Variants in CYP3A5 observed in about 807,000 individuals in gnomAD.
The protein encoded by CYP3A5 is cytochrome P450 3A5.
In CYP3A5, 51 loss-of-function variants were observed where a neutral mutation model predicts 55.9. The ratio of observed to expected loss-of-function variants is 0.91; its 90% CI spans 0.73 to 1.15. The LOEUF (loss-of-function observed/expected upper bound fraction) is 1.15. Ranked by LOEUF, CYP3A5 falls within the 50% of genes most tolerant of loss-of-function variation. CYP3A5 has a pLI of 0.00. For missense variants in CYP3A5, 533 were observed against 596.6 expected (o/e 0.89, Z 1.11); for synonymous variants, 196 against 213.9 (o/e 0.92, Z 0.73).
Position 99,679,806 on chromosome 7 carries a change from G to A in CYP3A5, c.71+20C>T, listed in dbSNP as rs1162867842. On this transcript the variant is annotated intron_variant, in intron 1 of 12. Coordinates refer to ENST00000222982, the MANE Select transcript of CYP3A5 (RefSeq NM_000777.5). ...CCCAAGTCCAAGGAAACAAAGAGAG[G>A]AGTTTGGACAGTTACTCACAGATAG... is the stretch of plus-strand genomic sequence containing the variant. 1.2e-6 allele frequency: 2 copies of A among 1,613,348 alleles called. No homozygotes were observed. The highest frequency in any genetic ancestry group is 2.2e-5 in the East Asian group (1 of 44,872).
intron 4 of CYP3A5, among the ~76,000 whole-genome samples, chr7:99,668,525 A>G (rs1197640439): frequency 6.6e-6 from 1 of 152,192 alleles, no homozygotes; most frequent in African/African-American, 2.4e-5. Context: ...GTGATTCTCA[A>G]GTGTGAACTT....
Position 99,660,643 on chromosome 7 carries a change from C to T in CYP3A5, c.882G>A (p.Glu294=), listed in dbSNP as rs774266940. The change falls in exon 10 of 13, where the codon GAG becomes GAA. Residue 294 remains glutamate, a synonymous_variant. Transcript: ENST00000222982. ...TGAAGATTATTGACTGGGCTGCGAG[C>T]TCCAGATCAGACAGAGCTGAAAGGA... The part of the protein sequence containing the change: ...TESHKALSDL[E]LAAQSIIFIF... 1.2e-6 allele frequency: 2 copies of T among 1,613,828 alleles called. No homozygotes were observed. The highest frequency in any genetic ancestry group is 1.7e-6 in the Non-Finnish European group (2 of 1,179,854).
chr7:99,669,644 T>C (rs1811382734), intron 4 of CYP3A5, among the ~76,000 whole-genome samples: 2 of 152,206 alleles, frequency 1.3e-5, no homozygotes, highest in African/African-American at 2.4e-5. Context: ...GCTTTGGTGA[T>C]GGATGAAGGC....
intron 8 of CYP3A5, chr7:99,663,552 C>G: frequency 2.0e-6 from 2 of 993,984 alleles, no homozygotes. Context: ...CAGGTAGCCT[C>G]ATAGGACCTT....
In CYP3A5 at chr7:99,652,666, AT is replaced by A. The variant is rs1387559334; in HGVS notation, c.1139del (p.Asp380ValfsTer16). On this transcript the variant is annotated frameshift_variant, in exon 11 of 13. Coordinates refer to ENST00000222982, the MANE Select transcript of CYP3A5 (RefSeq NM_000777.5). LOFTEE classifies it high-confidence loss of function. ...AIRLERTCKK[D>X]VEINGVFIPK... ...GAATGAATACCCCATTGATTTCAAC[AT>A]CTTTCTTGCAAGTCCTCTCAAGTCT... 3 of 1,614,012 alleles carry A rather than the reference AT, an allele frequency of 1.9e-6. 1 individual carries two copies. In the African/African-American group the frequency reaches 4.0e-5, roughly 22 times the overall value.
In CYP3A5 at chr7:99,666,802, A is replaced by T. The variant is rs1811068666; in HGVS notation, c.433-113T>A. On this transcript the variant is annotated intron_variant, in intron 5 of 12. Transcript: ENST00000222982. ...GTGACATTTTGTAATGAATTTTGTG[A>T]TGTCTTTTCTGTACATAAAGATAAA... The T allele has an allele frequency of 2.5e-6, 4 of 1,591,656 alleles. No individual in the cohort carries two copies. In the Admixed American group the frequency reaches 5.2e-5, roughly 21 times the overall value.
chr7:99,676,695 T>C (rs763639513), intron 1 of CYP3A5: 13 of 563,926 alleles, frequency 2.3e-5, no homozygotes, highest in African/African-American at 5.8e-5. Flanking sequence ...CCCTTACAAT[T>C]TGCTCAGAAA....
At chr7:99,679,591 C>G (rs1352436575) in intron 1 of CYP3A5, among the ~76,000 whole-genome samples, 1 of 152,150 alleles carries the variant, frequency 6.6e-6, no homozygotes, top group Non-Finnish European at 1.5e-5. Flanking sequence ...CTACCAAATG[C>G]TGTCCCTAAA....
Position 99,667,015 on chromosome 7 carries a change from A to G in CYP3A5, c.369T>C (p.Asp123=). Residue 123 remains aspartate (D), a synonymous_variant, in exon 5 of 13, where the codon GAT becomes GAC. Transcript: ENST00000222982. ...ATGACCGTATTCTCTTCCATTCTTCATCCTCAGCTAAAGAGATGGCACTTT... is the reference window on the plus strand; with the variant it reads ...ATGACCGTATTCTCTTCCATTCTTCGTCCTCAGCTAAAGAGATGGCACTTT... The part of the protein sequence containing the change: ...FMKSAISLAE[D]EEWKRIRSLL... 1 of 1,614,088 alleles carries G rather than the reference A, an allele frequency of 6.2e-7. No individual in the cohort carries two copies. Among genetic ancestry groups the G allele is most frequent in the Non-Finnish European group, 8.5e-7 (1 of 1,179,980 alleles).
In CYP3A5 at chr7:99,648,415, C is replaced by G; in HGVS notation, c.1414-15G>C. 1 of 1,529,716 alleles carries G rather than the reference C, an allele frequency of 6.5e-7. No individual in the cohort carries two copies. The highest frequency in any genetic ancestry group is 1.1e-5 in the South Asian group (1 of 87,954). 94.8% of individuals were successfully genotyped at this position (1,529,716 alleles called of 1,614,324 possible). A position where few individuals can be genotyped will look rare whatever the true frequency, so the allele number is the denominator to read the frequency against. On this transcript the variant is annotated splice_polypyrimidine_tract_variant and intron_variant, in intron 12 of 12. Transcript: ENST00000222982. ...TTCAAGGGGATCTACAATAGTTAAA[C>G]AAGCATATGGAGAATTAATAAATGA...
intron 4 of CYP3A5, among the ~76,000 whole-genome samples, chr7:99,670,645 C>CT (rs1253644305): frequency 1.3e-5 from 2 of 152,198 alleles, no homozygotes; most frequent in Non-Finnish European, 2.9e-5. Flanking sequence ...CTTTACTGGA[C>CT]TTTTGTAAGA....
chr7:99,656,045 T>C (rs1809692469), intron 10 of CYP3A5, among the ~76,000 whole-genome samples: 1 of 152,246 alleles, frequency 6.6e-6, no homozygotes, highest in South Asian at 2.1e-4. Context: ...TTTGACTTCC[T>C]CTTTTCCTAA....
At position 99,676,187 on chromosome 7, in the gene CYP3A5, T is replaced by C; in HGVS notation, c.93A>G (p.Gly31=). 1 of 1,613,720 alleles carries C rather than the reference T, an allele frequency of 6.2e-7. No homozygotes were observed. Among genetic ancestry groups the C allele is most frequent in the Non-Finnish European group, 8.5e-7 (1 of 1,179,866 alleles). ...LLYLYGTRTH[G]LFKRLGIPGP... ...CTGGAATTCCCAGTCTCTTAAAAAG[T>C]CCATGTGTACGGGTCCCATATCTAC... Residue 31 remains glycine (G), a synonymous_variant, in exon 2 of 13, where the codon GGA becomes GGG. Coordinates refer to ENST00000222982, the MANE Select transcript of CYP3A5 (RefSeq NM_000777.5).
Position 99,652,750 on chromosome 7 carries a change from CT to C in CYP3A5, c.1055del (p.Gln352ArgfsTer9). The C allele has an allele frequency of 6.2e-7, 1 of 1,613,842 alleles. No homozygotes were observed. Among genetic ancestry groups the C allele is most frequent in the South Asian group, 1.1e-5 (1 of 91,068 alleles). On this transcript the variant is annotated frameshift_variant, in exon 11 of 13. Coordinates refer to ENST00000222982, the MANE Select transcript of CYP3A5 (RefSeq NM_000777.5). LOFTEE classifies it high-confidence loss of function. Reference protein sequence around the residue: ...KAPPTYDAVVQMEYLDMVVNE... With the variant: ...KAPPTYDAVVXMEYLDMVVNE... Reference sequence around the variant, plus strand: ...TCACCACCATGTCAAGGTACTCCATCTGTACCACGGCATCATAGGTAGGTGG... The same window carrying C: ...TCACCACCATGTCAAGGTACTCCATCGTACCACGGCATCATAGGTAGGTGG...
chr7:99,659,204 G>A (rs1810115614), intron 10 of CYP3A5: 1 of 152,146 alleles, frequency 6.6e-6, no homozygotes, highest in Non-Finnish European at 1.5e-5. Flanking sequence ...CCATCTTTGT[G>A]TTTTTATCTA....
chr7:99,660,513 C>G lies in CYP3A5; in HGVS notation c.1012G>C (p.Val338Leu). 6.2e-7 allele frequency: 1 copy of G among 1,612,350 alleles called. No individual in the cohort carries two copies. Among genetic ancestry groups the G allele is most frequent in the Non-Finnish European group, 8.5e-7 (1 of 1,179,232 alleles). The change falls in exon 10 of 13, where the codon GTT (valine) becomes CTT (leucine). Residue 338 changes from valine (V) to leucine (L), a missense_variant. Physicochemically the swap from Val to Leu is conservative, Grantham distance 32. Transcript: ENST00000222982. ...QQKLQKEIDA[V>L]LPNKAPPTYD... ...CATCCCCTCACCTTATTGGGCAAAA[C>G]TGCATCAATCTCCTTTTGCAGTTTC...
At position 99,660,314 on chromosome 7, in the gene CYP3A5, C is replaced by G. The variant is rs1810301534; in HGVS notation, c.1026+185G>C. The G allele has an allele frequency of 3.5e-6, 4 of 1,144,604 alleles. No homozygotes were observed. In the Admixed American group the frequency reaches 2.0e-4, roughly 57 times the overall value. The allele number at this position is 1,144,604 out of a possible 1,614,324, so 70.9% of individuals were successfully genotyped here. ...AGCAATATTGTACAAAGATCTTATGCTTCTGCCAGTAGCAACCGTTCTCTA... is the reference window on the plus strand; with the variant it reads ...AGCAATATTGTACAAAGATCTTATGGTTCTGCCAGTAGCAACCGTTCTCTA... On this transcript the variant is annotated intron_variant, in intron 10 of 12. Coordinates refer to ENST00000222982, the MANE Select transcript of CYP3A5 (RefSeq NM_000777.5).
At chr7:99,648,924 T>G (rs182349128) in intron 12 of CYP3A5, among the ~76,000 whole-genome samples, 1 of 152,264 alleles carries the variant, frequency 6.6e-6, no homozygotes, top group Admixed American at 6.5e-5. Context: ...AGAATTATTC[T>G]TTTCTTTTTA....
At chr7:99,679,747 A>C (rs1200316442) in intron 1 of CYP3A5, 79 bp downstream of exon 1, 3 of 1,399,792 alleles carry the variant, frequency 2.1e-6, no homozygotes, top group Non-Finnish European at 3.0e-6. Context: ...TTTGATCTTC[A>C]AAACAGATAA....
Sources: allele counts gnomAD v4.1 joint callset (sites outside exome capture counted in the v4.1 genomes callset), GRCh38; gene constraint gnomAD v4.1.1; transcripts MANE v1.5; gene names NCBI Gene and HGNC (gene_info 2026-07-23, HGNC 2026-07-21).